SPATA16: variants seen among roughly 807,000 people sequenced by gnomAD.
SPATA16 encodes the protein spermatogenesis associated 16.
A neutral mutation model predicts 63.3 loss-of-function variants in SPATA16; 36 were observed. The ratio of observed to expected loss-of-function variants is 0.57; its 90% CI spans 0.44 to 0.75. The LOEUF is 0.75. SPATA16 is among the 30% of genes least tolerant of loss of function. The pLI, the probability that SPATA16 is intolerant of heterozygous loss-of-function variation, is 0.00. For missense variants in SPATA16, 646 were observed against 679.3 expected, an observed-to-expected ratio of 0.95 and a Z score of 0.54; for synonymous variants, 203 against 216.7, an observed-to-expected ratio of 0.94 and a Z score of 0.56.
chr3:173,075,872 A>G (rs563319397), intron 2 of SPATA16, among the ~76,000 whole-genome samples: 1 of 152,312 alleles, frequency 6.6e-6, no homozygotes, highest in South Asian at 2.1e-4. Flanking sequence ...TAGGATGACT[A>G]TAATTAATAA....
At chr3:173,059,182 T>C (rs965972471) in intron 2 of SPATA16, among the ~76,000 whole-genome samples, 2 of 152,054 alleles carry the variant, frequency 1.3e-5, no homozygotes, top group Non-Finnish European at 1.5e-5. Context: ...GGTTTGATTA[T>C]TGTGTTTTCT....
chr3:173,125,959 A>C (rs1419285007), intron 1 of SPATA16, among the ~76,000 whole-genome samples: 1 of 152,252 alleles, frequency 6.6e-6, no homozygotes, highest in Non-Finnish European at 1.5e-5. Flanking sequence ...ACAAAAGCTG[A>C]AAATTAGGCA....
At chr3:173,115,690 G>A (rs1276401800) in intron 2 of SPATA16, among the ~76,000 whole-genome samples, 1 of 152,008 alleles carries the variant, frequency 6.6e-6, no homozygotes, top group Admixed American at 6.6e-5. Flanking sequence ...GTTTTTGTAC[G>A]TAGCACCTTT....
At chr3:172,960,875 C>CTTTCTTTCTTTCTT (rs139523157) in intron 5 of SPATA16, among the ~76,000 whole-genome samples, 1 of 142,182 alleles carries the variant, frequency 7.0e-6, no homozygotes, top group African/African-American at 2.7e-5. Context: ...CTTTCTTTCT[C>CTTTCTTTCTTTCTT]TCTTTCTTTC....
intron 2 of SPATA16, among the ~76,000 whole-genome samples, chr3:173,056,640 G>A (rs989069492): frequency 1.4e-5 from 2 of 142,418 alleles, no homozygotes; most frequent in African/African-American, 5.3e-5. Context: ...GGAGGCGGAG[G>A]TTGCAGTAAG....
intron 2 of SPATA16, among the ~76,000 whole-genome samples, chr3:173,076,408 TA>T (rs1560115521): frequency 4.0e-5 from 6 of 149,288 alleles, no homozygotes; most frequent in African/African-American, 1.2e-4. Context: ...TTTTTTTTTT[TA>T]AATCAGCACA....
chr3:172,891,693 T>C (rs977018473), intron 10 of SPATA16, among the ~76,000 whole-genome samples: 3 of 152,210 alleles, frequency 2.0e-5, no homozygotes, highest in African/African-American at 7.2e-5. Flanking sequence ...GCTTTAGCCA[T>C]GTGGGACATC....
chr3:172,905,038 CT>C (rs1732203004), intron 10 of SPATA16, among the ~76,000 whole-genome samples: 1 of 152,032 alleles, frequency 6.6e-6, no homozygotes, highest in Admixed American at 6.6e-5. Flanking sequence ...TCCTAGGAAA[CT>C]TTCCTCTCCT....
intron 3 of SPATA16, among the ~76,000 whole-genome samples, chr3:173,024,118 A>G (rs1027033274): frequency 1.3e-5 from 2 of 151,462 alleles, no homozygotes; most frequent in Non-Finnish European, 3.0e-5. Flanking sequence ...TTTTTCTATT[A>G]TATTTTCCAA....
At chr3:172,985,034 T>C (rs986677466) in intron 4 of SPATA16, among the ~76,000 whole-genome samples, 26 of 152,228 alleles carry the variant, frequency 1.7e-4, no homozygotes, top group African/African-American at 5.8e-4. Context: ...GCTAATTTCA[T>C]GTCAAGCTGT....
intron 5 of SPATA16, 99 bp from the exon 6 acceptor site, chr3:172,956,923 A>G (rs1289258465): frequency 7.2e-7 from 1 of 1,394,438 alleles, no homozygotes; most frequent in Non-Finnish European, 1.0e-6. Flanking sequence ...TTAAAAATCT[A>G]TATACTGTAC....
intron 2 of SPATA16, among the ~76,000 whole-genome samples, chr3:173,051,169 T>C (rs1736080872): frequency 6.6e-6 from 1 of 152,172 alleles, no homozygotes; most frequent in Admixed American, 6.5e-5. Context: ...ATCCATATCT[T>C]ATATTAACAT....
rs1177314625 is a variant in SPATA16, at chr3:173,123,737, G to A, written c.-18-5988C>T. 2.0e-5 allele frequency among the ~76,000 whole-genome samples: 3 copies of A among 151,354 alleles called. No homozygotes were observed. The East Asian group carries it at 5.8e-4, about 29-fold the overall frequency. On this transcript the variant is annotated intron_variant, in intron 1 of 10. Transcript: ENST00000351008. ...TCCTGCCTCAGCCTCCCGAGTATCTGGGATTACAGGCGCCAACCACCATGC... is the reference window on the plus strand; with the variant it reads ...TCCTGCCTCAGCCTCCCGAGTATCTAGGATTACAGGCGCCAACCACCATGC...
At chr3:173,068,301 C>G (rs1160343230) in intron 2 of SPATA16, among the ~76,000 whole-genome samples, 1 of 151,970 alleles carries the variant, frequency 6.6e-6, no homozygotes, top group Non-Finnish European at 1.5e-5. Context: ...TAGATATAGA[C>G]AGTATAAAAT....
At chr3:173,135,664 G>A (rs945185697) in intron 1 of SPATA16, among the ~76,000 whole-genome samples, 2 of 152,156 alleles carry the variant, frequency 1.3e-5, no homozygotes, top group Non-Finnish European at 2.9e-5. Context: ...ATAAAACATG[G>A]AGTGAAAGAA....
chr3:173,118,929 T>C (rs1456005755), intron 1 of SPATA16, among the ~76,000 whole-genome samples: 1 of 152,244 alleles, frequency 6.6e-6, no homozygotes, highest in Non-Finnish European at 1.5e-5. Context: ...ACACTTGTGC[T>C]TCCTTTTATC....
intron 3 of SPATA16, among the ~76,000 whole-genome samples, chr3:173,029,290 A>G (rs1221476540): frequency 6.6e-6 from 1 of 151,878 alleles, no homozygotes; most frequent in Non-Finnish European, 1.5e-5. Flanking sequence ...TTTTTTCCCT[A>G]CTTGCAAACT....
chr3:173,082,510 A>G (rs981719532), intron 2 of SPATA16, among the ~76,000 whole-genome samples: 1 of 152,134 alleles, frequency 6.6e-6, no homozygotes, highest in African/African-American at 2.4e-5. Flanking sequence ...ACTGTTCACT[A>G]TCTCCCCTAA....
chr3:172,945,598 G>A (rs1733264151), intron 6 of SPATA16, among the ~76,000 whole-genome samples: 2 of 152,162 alleles, frequency 1.3e-5, no homozygotes, highest in Admixed American at 1.3e-4. Context: ...TACAGTAATT[G>A]TGGGACTTTG....
Sources: allele counts gnomAD v4.1 joint callset (sites outside exome capture counted in the v4.1 genomes callset), GRCh38; gene constraint gnomAD v4.1.1; transcripts MANE v1.5; gene names NCBI Gene and HGNC (gene_info 2026-07-23, HGNC 2026-07-21).